Variants in MYL1 observed in about 807,000 individuals in gnomAD.
MYL1 encodes myosin light chain 1/3, skeletal muscle isoform.
MYL1 carries 16 observed loss-of-function variants against 21.8 expected under a neutral mutation model. The observed-to-expected ratio is 0.74, with a 90% CI of 0.50 to 1.12. The LOEUF (loss-of-function observed/expected upper bound fraction) is 1.12. Ranked by LOEUF, MYL1 falls within the 50% of genes most tolerant of loss-of-function variation. The pLI, the probability that MYL1 is intolerant of heterozygous loss-of-function variation, is 0.00. For synonymous variants in MYL1, 99 were observed against 85.2 expected (o/e 1.16, Z -0.89); for missense variants, 246 against 241.0 (o/e 1.02, Z -0.14).
intron 1 of MYL1, among the ~76,000 whole-genome samples, chr2:210,305,862 A>T (rs894808697): frequency 6.6e-6 from 1 of 151,606 alleles, no homozygotes; most frequent in Non-Finnish European, 1.5e-5. Context: ...GGGGTTCAAG[A>T]CCAGCCTGAC....
In MYL1 at chr2:210,294,325, A is replaced by G. The variant is rs1196797251; in HGVS notation, c.398T>C (p.Val133Ala). 5.6e-6 allele frequency: 9 copies of G among 1,614,080 alleles called. No individual in the cohort carries two copies. The highest frequency in any genetic ancestry group is 1.7e-5 in the Admixed American group (1 of 60,004). The change falls in exon 4 of 7, where the codon GTT (valine) becomes GCT (alanine). Residue 133 changes from valine to alanine, a missense_variant. Coordinates refer to ENST00000352451, the MANE Select transcript of MYL1 (RefSeq NM_079420.3). The part of the protein sequence containing the change: ...NKDQATYEDF[V>A]EGLRVFDKEG... Reference sequence around the variant, plus strand: ...CTTGTCAAAGACACGCAGACCCTCAACAAAGTCTTCATAGGTGGCCTGGTC... The same window carrying G: ...CTTGTCAAAGACACGCAGACCCTCAGCAAAGTCTTCATAGGTGGCCTGGTC...
rs542431706 is a variant in MYL1 at position 210,315,053 on chromosome 2, A to T, written c.-11T>A. Reference sequence around the variant, plus strand: ...TTTCTTTGGTGCCATTTTTTTTTTTAAAAGGGTGGGTTAAAAAGAGAAGGA... The same window carrying T: ...TTTCTTTGGTGCCATTTTTTTTTTTTAAAGGGTGGGTTAAAAAGAGAAGGA... On this transcript the variant is annotated 5_prime_UTR_variant, in exon 1 of 7. Transcript: ENST00000352451. The T allele has an allele frequency of 1.4e-3, 2,177 of 1,581,638 alleles. 24 individuals are homozygous for T. In the African/African-American group the frequency reaches 0.022, roughly 16 times the overall value.
intron 1 of MYL1, among the ~76,000 whole-genome samples, chr2:210,312,656 T>C (rs1486683229): frequency 2.0e-5 from 3 of 151,914 alleles, no homozygotes; most frequent in Non-Finnish European, 4.4e-5. Flanking sequence ...TTTACAAAAG[T>C]GTGTTAGTTT....
Position 210,315,012 on chromosome 2 carries a change from C to A in MYL1, c.31G>T (p.Val11Leu). The change falls in exon 1 of 7, where the codon GTG (valine) becomes TTG (leucine). Residue 11 changes from valine to leucine, a missense_variant. Coordinates refer to ENST00000352451, the MANE Select transcript of MYL1 (RefSeq NM_079420.3). MAPKKDVKKP[V>L]AAAAAAPAPA... ...GCTGGGGCAGCCGCAGCCGCAGCCA[C>A]AGGTTTCTTCACGTCTTTCTTTGGT... is the stretch of plus-strand genomic sequence containing the variant. 1 of 1,602,852 alleles carries A rather than the reference C, an allele frequency of 6.2e-7. No homozygotes were observed. Among genetic ancestry groups the A allele is most frequent in the Non-Finnish European group, 8.5e-7 (1 of 1,177,190 alleles).
At chr2:210,302,781 A>G (rs927426498) in intron 1 of MYL1, 1 of 1,565,728 alleles carries the variant, frequency 6.4e-7, no homozygotes, top group Admixed American at 1.9e-5. Flanking sequence ...CAATCTGGTC[A>G]GCACTGAAGG....
chr2:210,314,390 C>T (rs562090669), intron 1 of MYL1, among the ~76,000 whole-genome samples: 27 of 152,176 alleles, frequency 1.8e-4, no homozygotes, highest in Middle Eastern at 3.4e-3. Context: ...TTAGGCAAAG[C>T]TGAAGGGAGA....
intron 1 of MYL1, among the ~76,000 whole-genome samples, chr2:210,314,005 A>C (rs571993425): frequency 2.6e-5 from 4 of 152,222 alleles, no homozygotes; most frequent in African/African-American, 9.6e-5. Context: ...ATATGAGCCA[A>C]TCAGAACTCA....
At chr2:210,301,421 A>G (rs1690263709) in intron 2 of MYL1, among the ~76,000 whole-genome samples, 1 of 152,250 alleles carries the variant, frequency 6.6e-6, no homozygotes, top group African/African-American at 2.4e-5. Context: ...ATGCAGAAAT[A>G]GACTTGAAGA....
chr2:210,307,554 T>C (rs1027602497), intron 1 of MYL1, among the ~76,000 whole-genome samples: 3 of 152,206 alleles, frequency 2.0e-5, no homozygotes. Context: ...TGACCTGGAC[T>C]TCTAATTTTC....
chr2:210,314,997 C>T lies in MYL1; in HGVS notation c.46G>A (p.Ala16Thr), dbSNP rs745857501. The change falls in exon 1 of 7, where the codon GCT becomes ACT. Residue 16 changes from alanine (A) to threonine (T), a missense_variant. Transcript: ENST00000352451. ...GGTGCCGGTGCCGGGGCTGGGGCAGCCGCAGCCGCAGCCACAGGTTTCTTC... is the reference window on the plus strand; with the variant it reads ...GGTGCCGGTGCCGGGGCTGGGGCAGTCGCAGCCGCAGCCACAGGTTTCTTC... Reference protein sequence around the residue: ...DVKKPVAAAAAAPAPAPAPAP... With the variant: ...DVKKPVAAAATAPAPAPAPAP... 1.2e-6 allele frequency: 2 copies of T among 1,606,526 alleles called. No individual in the cohort carries two copies. Among genetic ancestry groups the T allele is most frequent in the Admixed American group, 3.5e-5 (2 of 57,868 alleles).
In MYL1 at chr2:210,294,325, AC is replaced by A; in HGVS notation, c.397del (p.Val133LeufsTer24). The A allele has an allele frequency of 6.2e-7, 1 of 1,614,080 alleles. No individual in the cohort carries two copies. The highest frequency in any genetic ancestry group is 8.5e-7 in the Non-Finnish European group (1 of 1,179,984). On this transcript the variant is annotated frameshift_variant, in exon 4 of 7. Transcript: ENST00000352451. LOFTEE classifies it high-confidence loss of function. The stretch of plus-strand genomic sequence containing the variant: ...CTTGTCAAAGACACGCAGACCCTCA[AC>A]AAAGTCTTCATAGGTGGCCTGGTCC... The part of the protein sequence containing the change: ...NKDQATYEDF[V>X]EGLRVFDKEG...
Position 210,294,437 on chromosome 2 carries a change from T to C in MYL1, c.305-19A>G. The C allele has an allele frequency of 6.2e-7, 1 of 1,608,786 alleles. No homozygotes were observed. The highest frequency in any genetic ancestry group is 8.5e-7 in the Non-Finnish European group (1 of 1,176,808). On this transcript the variant is annotated intron_variant, in intron 3 of 6. Coordinates refer to ENST00000352451, the MANE Select transcript of MYL1 (RefSeq NM_079420.3). ...TTCAGCTCTGTAAGAAATTGCAATT[T>C]TGAGGGTTATTAGCTACCATAATAC...
At chr2:210,291,966 A>G (rs1182125033) in intron 5 of MYL1, among the ~76,000 whole-genome samples, 1 of 152,200 alleles carries the variant, frequency 6.6e-6, no homozygotes, top group Non-Finnish European at 1.5e-5. Context: ...TCAGTGATAC[A>G]TGAAATTGCC....
intron 2 of MYL1, 40 bp downstream of exon 2, chr2:210,302,446 TTA>T (rs1690277957): frequency 6.3e-7 from 1 of 1,583,434 alleles, no homozygotes. Context: ...CATGCCATCT[TTA>T]TGAGTGTGCA....
chr2:210,305,341 T>C (rs1690323294), intron 1 of MYL1, among the ~76,000 whole-genome samples: 1 of 152,160 alleles, frequency 6.6e-6, no homozygotes, highest in African/African-American at 2.4e-5. Context: ...TGAAAGGTTA[T>C]TGGGAAATGA....
chr2:210,311,283 T>C (rs1239105176), intron 1 of MYL1, among the ~76,000 whole-genome samples: 1 of 152,024 alleles, frequency 6.6e-6, no homozygotes, highest in Non-Finnish European at 1.5e-5. Context: ...CCAAAACAAA[T>C]TGGGTGCCAC....
At chr2:210,306,380 CAAA>C (rs370261153) in intron 1 of MYL1, among the ~76,000 whole-genome samples, 9 of 117,522 alleles carry the variant, frequency 7.7e-5, no homozygotes, top group Admixed American at 8.3e-5. Flanking sequence ...GACTCCATCT[CAAA>C]AAAAAAAAAA....
intron 3 of MYL1, among the ~76,000 whole-genome samples, chr2:210,296,511 C>T (rs575614753): frequency 2.0e-4 from 31 of 152,098 alleles, no homozygotes; most frequent in South Asian, 1.0e-3. Context: ...TTCTGTTGGG[C>T]GCAGTGGCTC....
At chr2:210,311,488 C>T (rs1690419517) in intron 1 of MYL1, among the ~76,000 whole-genome samples, 1 of 151,946 alleles carries the variant, frequency 6.6e-6, no homozygotes, top group African/African-American at 2.4e-5. Flanking sequence ...TTTATAATAT[C>T]GCTCACAATA....
Sources: allele counts gnomAD v4.1 joint callset (sites outside exome capture counted in the v4.1 genomes callset), GRCh38; gene constraint gnomAD v4.1.1; transcripts MANE v1.5; gene names NCBI Gene and HGNC (gene_info 2026-07-23, HGNC 2026-07-21).